The following GPD1L variants were observed in gnomAD, a reference collection of about 807,000 sequenced individuals.
GPD1L encodes glycerol-3-phosphate dehydrogenase 1 like.
A neutral mutation model predicts 32.9 loss-of-function variants in GPD1L; 17 were observed. That is an observed-to-expected ratio of 0.52 (90% CI 0.35 to 0.78). The LOEUF is 0.78. Ranked by LOEUF, GPD1L falls within the 30% of genes least tolerant of loss-of-function variation. The pLI, the probability that GPD1L is intolerant of heterozygous loss-of-function variation, is 0.01. For missense variants in GPD1L, 361 were observed against 447.8 expected (o/e 0.81, Z 1.75); for synonymous variants, 187 against 165.9 (o/e 1.13, Z -0.98).
chr3:32,151,198 CT>C, intron 5 of GPD1L: 1 of 595,366 alleles, frequency 1.7e-6, no homozygotes, highest in Admixed American at 2.1e-5. Flanking sequence ...ATCCAGGTAC[CT>C]TTCTCTTTGG....
intron 7 of GPD1L, among the ~76,000 whole-genome samples, chr3:32,162,163 G>A (rs1701081945): frequency 6.6e-6 from 1 of 152,156 alleles, no homozygotes; most frequent in African/African-American, 2.4e-5. Flanking sequence ...ACAAAATTAA[G>A]ATGGAAGACC....
intron 4 of GPD1L, among the ~76,000 whole-genome samples, chr3:32,145,332 A>AATAT (rs112196182): frequency 0.06 from 9,125 of 152,048 alleles, 505 homozygotes; most frequent in East Asian, 0.14. Context: ...TAAATAAATA[A>AATAT]AGTTACTACC....
intron 4 of GPD1L, among the ~76,000 whole-genome samples, chr3:32,141,665 T>C (rs924550311): frequency 2.0e-5 from 3 of 152,158 alleles, no homozygotes; most frequent in African/African-American, 7.2e-5. Flanking sequence ...ACGAAAGTGA[T>C]ACAGACACAG....
At chr3:32,133,000 A>G (rs917276306) in intron 2 of GPD1L, among the ~76,000 whole-genome samples, 1 of 152,178 alleles carries the variant, frequency 6.6e-6, no homozygotes, top group Non-Finnish European at 1.5e-5. Flanking sequence ...GAGACAGAGG[A>G]AAATTACGCT....
intron 2 of GPD1L, among the ~76,000 whole-genome samples, chr3:32,137,584 C>A (rs1700684200): frequency 6.6e-6 from 1 of 152,192 alleles, no homozygotes; most frequent in Non-Finnish European, 1.5e-5. Flanking sequence ...GGAAACATAG[C>A]CTTCTTTGCT....
Position 32,140,312 on chromosome 3 carries a change from G to C in GPD1L, c.451G>C (p.Gly151Arg), listed in dbSNP as rs1227197804. ...GGGTATTGACATCAGTGTGCTGATG[G>C]GAGCCAACATTGCCAATGAGGTGGC... ...KMGIDISVLMGANIANEVAAE... is the reference protein window; with the variant it reads ...KMGIDISVLMRANIANEVAAE... Residue 151 changes from glycine to arginine, a missense_variant, in exon 4 of 8, where the codon GGA becomes CGA. Gly to Arg is a moderately radical substitution (Grantham distance 125). Coordinates refer to ENST00000282541, the MANE Select transcript of GPD1L (RefSeq NM_015141.4). 1.2e-6 allele frequency: 2 copies of C among 1,614,046 alleles called. No homozygotes were observed.
At chr3:32,133,746 T>C (rs924020190) in intron 2 of GPD1L, among the ~76,000 whole-genome samples, 2 of 152,194 alleles carry the variant, frequency 1.3e-5, no homozygotes, top group African/African-American at 4.8e-5. Context: ...AAGTGAGGTC[T>C]TTTTCTTGCC....
At position 32,108,675 on chromosome 3, in the gene GPD1L, G is replaced by A. The variant is rs558591481; in HGVS notation, c.47+1917G>A. On this transcript the variant is annotated intron_variant, in intron 1 of 7. Coordinates refer to ENST00000282541, the MANE Select transcript of GPD1L (RefSeq NM_015141.4). Reference sequence around the variant, plus strand: ...CTGGAGGAATTCCATGCAAGTGAATGCTTACATATAGTCCTTTCGCCCTCC... The same window carrying A: ...CTGGAGGAATTCCATGCAAGTGAATACTTACATATAGTCCTTTCGCCCTCC... Among the ~76,000 whole-genome samples, 7 of 152,304 alleles carry A rather than the reference G, an allele frequency of 4.6e-5. No homozygotes were observed. In the East Asian group the frequency reaches 1.2e-3, roughly 25 times the overall value.
In GPD1L at chr3:32,106,723, G is replaced by T; in HGVS notation, c.12G>T (p.Ala4=). Residue 4 remains alanine (A), a synonymous_variant, in exon 1 of 8, where the codon GCG becomes GCT. Coordinates refer to ENST00000282541, the MANE Select transcript of GPD1L (RefSeq NM_015141.4). This position sits in a 1 kb window ranked among gnomAD's most constrained non-coding sequence, Gnocchi z 4.0. ...CATTCGGCCCGGCCATGGCAGCGGCGCCCCTGAAAGTGTGCATCGTGGGCT... is the reference window on the plus strand; with the variant it reads ...CATTCGGCCCGGCCATGGCAGCGGCTCCCCTGAAAGTGTGCATCGTGGGCT... MAA[A]PLKVCIVGSG... is the part of the protein sequence containing the mutation. 4 of 1,562,676 alleles carry T rather than the reference G, an allele frequency of 2.6e-6. 1 individual carries two copies. The South Asian group carries it at 3.5e-5, about 14-fold the overall frequency.
intron 1 of GPD1L, among the ~76,000 whole-genome samples, chr3:32,108,017 G>A (rs560709666): frequency 6.6e-6 from 1 of 152,224 alleles, no homozygotes; most frequent in South Asian, 2.1e-4. Context: ...TTGAGTAGCT[G>A]GGATTACAGG....
At chr3:32,107,405 T>C (rs1700180087) in intron 1 of GPD1L, among the ~76,000 whole-genome samples, 1 of 152,228 alleles carries the variant, frequency 6.6e-6, no homozygotes, top group Non-Finnish European at 1.5e-5. Context: ...CTTATTTGAC[T>C]TTAACATTTT....
intron 7 of GPD1L, among the ~76,000 whole-genome samples, chr3:32,164,272 CAT>C (rs1465923649): frequency 1.3e-5 from 2 of 152,184 alleles, no homozygotes; most frequent in Non-Finnish European, 2.9e-5. Flanking sequence ...AACAGGGAAA[CAT>C]AGCATGGAAG....
At position 32,142,275 on chromosome 3, in the gene GPD1L, C is replaced by T. The variant is rs567984658; in HGVS notation, c.505+1909C>T. Among the ~76,000 whole-genome samples the T allele has an allele frequency of 1.2e-4, 19 of 152,174 alleles. No homozygotes were observed. In the South Asian group the frequency reaches 3.1e-3, roughly 25 times the overall value. On this transcript the variant is annotated intron_variant, in intron 4 of 7. Coordinates refer to ENST00000282541, the MANE Select transcript of GPD1L (RefSeq NM_015141.4). ...CTGGAATTACAGGCATGCGCCACCA[C>T]GCCCAGCTAATTTTTGTATTTTTGG...
rs747987641 is a variant in GPD1L, at chr3:32,128,166, A to T, written c.138A>T (p.Thr46=). The T allele has an allele frequency of 3.7e-6, 6 of 1,611,308 alleles. No individual in the cohort carries two copies. The highest frequency in any genetic ancestry group is 5.1e-6 in the Non-Finnish European group (6 of 1,177,530). Residue 46 remains threonine, a synonymous_variant, in exon 2 of 8, where the codon ACA becomes ACT. Transcript: ENST00000282541. ...TCAAGATGTGGGTCTTTGAAGAAACAGTGAATGGCAGAAAACTGACAGACA... is the reference window on the plus strand; with the variant it reads ...TCAAGATGTGGGTCTTTGAAGAAACTGTGAATGGCAGAAAACTGACAGACA... ...STVKMWVFEE[T]VNGRKLTDII... is the part of the protein sequence containing the mutation.
intron 1 of GPD1L, among the ~76,000 whole-genome samples, chr3:32,115,067 A>G (rs1000378356): frequency 3.9e-5 from 6 of 152,224 alleles, no homozygotes; most frequent in African/African-American, 9.6e-5. Context: ...GGTTGCCACC[A>G]CTGGCTGGGG....
intron 4 of GPD1L, among the ~76,000 whole-genome samples, chr3:32,141,146 C>T (rs1216687537): frequency 2.0e-5 from 3 of 152,192 alleles, no homozygotes. Context: ...TTCCCCTTGG[C>T]AGCTTTGTAA....
chr3:32,137,958 C>G (rs951686722), intron 2 of GPD1L, among the ~76,000 whole-genome samples: 2 of 152,144 alleles, frequency 1.3e-5, no homozygotes, highest in African/African-American at 4.8e-5. Flanking sequence ...CATTACCACC[C>G]CTAAAAGGGT....
At chr3:32,134,964 C>T (rs989073179) in intron 2 of GPD1L, among the ~76,000 whole-genome samples, 6 of 152,206 alleles carry the variant, frequency 3.9e-5, no homozygotes, top group East Asian at 1.9e-4. Context: ...GTAGCCAGAT[C>T]GGAAAGGTAA....
chr3:32,118,771 C>T (rs960442007), intron 1 of GPD1L, among the ~76,000 whole-genome samples: 2 of 151,936 alleles, frequency 1.3e-5, no homozygotes, highest in Non-Finnish European at 2.9e-5. Flanking sequence ...GACAGTTCCT[C>T]AATCCACTCT....
Sources: allele counts gnomAD v4.1 joint callset (sites outside exome capture counted in the v4.1 genomes callset), GRCh38; gene constraint gnomAD v4.1.1; non-coding constraint Gnocchi (gnomAD v3.1); transcripts MANE v1.5; gene names NCBI Gene and HGNC (gene_info 2026-07-23, HGNC 2026-07-21).